The following CR1 variants were observed in gnomAD, a reference collection of about 807,000 sequenced individuals.
The protein encoded by CR1 is complement receptor type 1.
CR1 carries 116 observed loss-of-function variants against 187.3 expected under a neutral mutation model. The observed-to-expected ratio is 0.62, with a 90% CI of 0.53 to 0.72. The LOEUF (loss-of-function observed/expected upper bound fraction) is 0.72. Among genes scored for constraint, CR1 ranks in the 30% least tolerant of loss-of-function variants. CR1 has a pLI of 0.00. For missense variants in CR1, 1,731 were observed against 2,110.7 expected, an observed-to-expected ratio of 0.82 and a Z score of 3.52; for synonymous variants, 576 against 747.1, an observed-to-expected ratio of 0.77 and a Z score of 3.73.
intron 29 of CR1, among the ~76,000 whole-genome samples, chr1:207,579,560 A>G (rs1660873716): frequency 6.6e-6 from 1 of 152,236 alleles, no homozygotes; most frequent in Non-Finnish European, 1.5e-5. Context: ...ATGACAGTTT[A>G]CAAATGCCAT....
intron 35 of CR1, among the ~76,000 whole-genome samples, chr1:207,599,253 A>G (rs1661537533): frequency 6.6e-6 from 1 of 152,250 alleles, no homozygotes; most frequent in African/African-American, 2.4e-5. Context: ...TATTTAAGCA[A>G]AAAAGCTCAA....
intron 33 of CR1, among the ~76,000 whole-genome samples, chr1:207,586,329 T>C (rs1256025511): frequency 6.6e-6 from 1 of 152,086 alleles, no homozygotes; most frequent in Non-Finnish European, 1.5e-5. Context: ...GTAGACCGGT[T>C]TTCATCATGT....
chr1:207,611,800 C>T lies in CR1; in HGVS notation c.6419C>T (p.Ser2140Phe), dbSNP rs780442691. ...EPSYDLRGAA[S>F]LHCTPQGDWS... ...AGCTATGACCTCAGAGGGGCTGCGT[C>T]TCTGCACTGCACGCCCCAGGGAGAC... Residue 2140 changes from serine (S) to phenylalanine (F), a missense_variant, in exon 38 of 47, where the codon TCT (serine) becomes TTT (phenylalanine). Physicochemically the swap from Ser to Phe is radical, Grantham distance 155. This residue lies in a region of CR1 where 1,312 missense variants were observed against 1,379.6 expected (regional missense o/e 0.95). Coordinates refer to ENST00000367049, the MANE Select transcript of CR1 (RefSeq NM_000651.6). 6.2e-7 allele frequency: 1 copy of T among 1,614,028 alleles called. No homozygotes were observed.
At chr1:207,523,304 G>T (rs575696524) in intron 4 of CR1, among the ~76,000 whole-genome samples, 1 of 152,070 alleles carries the variant, frequency 6.6e-6, no homozygotes, top group South Asian at 2.1e-4. Flanking sequence ...GAAAGCAAAC[G>T]GAAAAGAGTA....
chr1:207,585,997 A>C (rs1195083215), intron 33 of CR1, among the ~76,000 whole-genome samples: 1 of 152,182 alleles, frequency 6.6e-6, no homozygotes, highest in African/African-American at 2.4e-5. Context: ...GAAAAATTGT[A>C]AAAACTGTAA....
intron 4 of CR1, among the ~76,000 whole-genome samples, chr1:207,522,478 C>T (rs1463052889): frequency 3.9e-5 from 6 of 152,198 alleles, no homozygotes. Context: ...GTCTGTTCAG[C>T]CTCTCAGTTG....
chr1:207,583,280 G>A (rs1041157456), intron 32 of CR1, among the ~76,000 whole-genome samples: 1 of 152,204 alleles, frequency 6.6e-6, no homozygotes, highest in African/African-American at 2.4e-5. Flanking sequence ...CAAATTAGGT[G>A]AGAACAGAAA....
At chr1:207,630,951 A>G (rs943779831) in intron 46 of CR1, among the ~76,000 whole-genome samples, 6 of 152,022 alleles carry the variant, frequency 3.9e-5, no homozygotes, top group African/African-American at 1.4e-4. Context: ...TTGTACCTCC[A>G]AGTCTTCCAG....
chr1:207,602,066 A>G (rs1661622366), intron 35 of CR1, among the ~76,000 whole-genome samples: 1 of 152,162 alleles, frequency 6.6e-6, no homozygotes, highest in African/African-American at 2.4e-5. Flanking sequence ...TCTAATCATT[A>G]GAATCAAGTC....
At chr1:207,573,238 A>T (rs1468627729) in intron 27 of CR1, among the ~76,000 whole-genome samples, 1 of 152,158 alleles carries the variant, frequency 6.6e-6, no homozygotes, top group East Asian at 1.9e-4. Context: ...CAGCTAAGCC[A>T]GGTAGCGAAT....
intron 36 of CR1, 73 bp downstream of exon 36, chr1:207,607,409 T>G: frequency 1.8e-6 from 2 of 1,131,490 alleles, no homozygotes; most frequent in Non-Finnish European, 2.7e-6. Context: ...AAAGAATAAA[T>G]TGAATCCTTC....
At chr1:207,577,601 C>T (rs1231906984) in intron 28 of CR1, among the ~76,000 whole-genome samples, 2 of 152,144 alleles carry the variant, frequency 1.3e-5, no homozygotes, top group African/African-American at 4.8e-5. Context: ...CAAACCCCAT[C>T]TCTACTAAAA....
intron 43 of CR1, among the ~76,000 whole-genome samples, chr1:207,621,209 A>T (rs533285878): frequency 1.5e-3 from 226 of 152,084 alleles, no homozygotes; most frequent in Non-Finnish European, 2.8e-3. Flanking sequence ...CGGGAGGTGG[A>T]GGTTACAGTG....
intron 35 of CR1, chr1:207,600,999 T>A (rs115328932): frequency 6.6e-6 from 1 of 151,872 alleles, no homozygotes; most frequent in Non-Finnish European, 1.5e-5. Context: ...CAGGAAAAAA[T>A]TCAAATAAAT....
chr1:207,565,992 T>A, intron 24 of CR1, 69 bp downstream of exon 24: 1 of 1,566,020 alleles, frequency 6.4e-7, no homozygotes, highest in Non-Finnish European at 8.7e-7. Context: ...TCCTATGGCC[T>A]CCCTCAATGT....
chr1:207,626,066 A>G (rs1662470732), intron 45 of CR1, among the ~76,000 whole-genome samples: 1 of 152,226 alleles, frequency 6.6e-6, no homozygotes, highest in Non-Finnish European at 1.5e-5. Flanking sequence ...TCCTTGCTCC[A>G]AAGTTACATT....
chr1:207,565,832 C>T lies in CR1; in HGVS notation c.3867-6C>T. 1 of 1,610,664 alleles carries T rather than the reference C, an allele frequency of 6.2e-7. No homozygotes were observed. The highest frequency in any genetic ancestry group is 1.1e-5 in the South Asian group (1 of 91,046). ...GCTCACTATTCACTCCTATTTTCTT[C>T]TTTAGATTTCAATTAAAAGGCAGCT... On this transcript the variant is annotated splice_polypyrimidine_tract_variant and splice_region_variant and intron_variant, in intron 23 of 46. Transcript: ENST00000367049.
At chr1:207,633,749 T>G (rs921287032) in intron 46 of CR1, among the ~76,000 whole-genome samples, 1 of 152,206 alleles carries the variant, frequency 6.6e-6, no homozygotes, top group East Asian at 1.9e-4. Flanking sequence ...TTGAGAAATT[T>G]TTCATGCACG....
intron 27 of CR1, 99 bp from the exon 28 acceptor site, chr1:207,575,496 T>C: frequency 6.8e-7 from 1 of 1,477,286 alleles, no homozygotes; most frequent in Non-Finnish European, 9.5e-7. Flanking sequence ...GCCTTAGACT[T>C]CTCCTGCATT....
Sources: gnomAD v4.1 joint callset for allele counts (sites outside exome capture counted in the v4.1 genomes callset) on GRCh38, gnomAD v4.1.1 for gene constraint, gnomAD v4.1.1 regional missense constraint, MANE v1.5 for transcripts, NCBI Gene and HGNC (gene_info 2026-07-23, HGNC 2026-07-21) for gene names.